The following TMEM184C variants were observed in gnomAD, a reference collection of about 807,000 sequenced individuals.
The protein encoded by TMEM184C is transmembrane protein 34.
TMEM184C carries 25 observed loss-of-function variants against 54.5 expected under a neutral mutation model. The observed-to-expected ratio is 0.46, with a 90% CI of 0.33 to 0.64. TMEM184C has a LOEUF of 0.64. Ranked by LOEUF, TMEM184C falls within the 30% of genes least tolerant of loss-of-function variation. The pLI is 0.02. For missense variants in TMEM184C, 335 were observed against 520.3 expected, an observed-to-expected ratio of 0.64 and a Z score of 3.46; for synonymous variants, 148 against 181.5, an observed-to-expected ratio of 0.82 and a Z score of 1.49.
chr4:147,634,555 C>G lies in TMEM184C; in HGVS notation c.*121C>G. 11 of 1,097,710 alleles carry G rather than the reference C, an allele frequency of 1.0e-5. No individual in the cohort carries two copies. The highest frequency in any genetic ancestry group is 1.4e-5 in the Non-Finnish European group (11 of 772,524). The allele number at this position is 1,097,710 out of a possible 1,614,324, so 68.0% of individuals were successfully genotyped here. On this transcript the variant is annotated 3_prime_UTR_variant, in exon 10 of 10. Transcript: ENST00000296582. ...ATGTCAACACAAAAATAGCTGAAAGCCAGGTACAACTACTGCATTTATATA... is the reference window on the plus strand; with the variant it reads ...ATGTCAACACAAAAATAGCTGAAAGGCAGGTACAACTACTGCATTTATATA...
chr4:147,628,217 A>G (rs369627398), intron 4 of TMEM184C, 144 bp from the exon 5 acceptor site: 20 of 640,980 alleles, frequency 3.1e-5, no homozygotes, highest in East Asian at 5.5e-5. Context: ...TTCTTCTGCC[A>G]CTGCTATTAA....
At chr4:147,632,379 T>C (rs1291689894) in intron 7 of TMEM184C, among the ~76,000 whole-genome samples, 1 of 152,122 alleles carries the variant, frequency 6.6e-6, no homozygotes, top group Non-Finnish European at 1.5e-5. Context: ...ATAAAAATTT[T>C]TGGAATTCGA....
In TMEM184C at chr4:147,636,268, AAC is replaced by A. The variant is rs1733040675; in HGVS notation, c.*1838_*1839del. On this transcript the variant is annotated 3_prime_UTR_variant, in exon 10 of 10. Transcript: ENST00000296582. ...CAAGACAGTATGGTACTGGTATAAA[AAC>A]ACATACACAGGCCAGTGGGACAGAA... 1 of 152,328 alleles carries A rather than the reference AAC, an allele frequency of 6.6e-6. No individual in the cohort carries two copies. Among genetic ancestry groups the A allele is most frequent in the South Asian group, 2.1e-4 (1 of 4,828 alleles). 9.4% of individuals were successfully genotyped at this position (152,328 alleles called of 1,614,324 possible).
chr4:147,631,903 G>C (rs1293365311), intron 7 of TMEM184C, among the ~76,000 whole-genome samples: 2 of 152,076 alleles, frequency 1.3e-5, no homozygotes, highest in Non-Finnish European at 2.9e-5. Flanking sequence ...AAGAGGGCCG[G>C]GCACAGTGGC....
chr4:147,631,919 C>T (rs923152787), intron 7 of TMEM184C, among the ~76,000 whole-genome samples: 5 of 152,108 alleles, frequency 3.3e-5, no homozygotes, highest in Admixed American at 1.3e-4. Flanking sequence ...GTGGCTCACG[C>T]CTGTAATCCC....
chr4:147,631,649 C>A, intron 7 of TMEM184C, 144 bp downstream of exon 7: 2 of 647,830 alleles, frequency 3.1e-6, no homozygotes, highest in South Asian at 3.9e-5. Context: ...CTTTTTAGCC[C>A]TTCTACAATT....
Position 147,617,725 on chromosome 4 carries a change from G to GA in TMEM184C, c.-231dup. 1 of 490,510 alleles carries GA rather than the reference G, an allele frequency of 2.0e-6. No homozygotes were observed. The highest frequency in any genetic ancestry group is 2.1e-5 in the South Asian group (1 of 47,864). The allele number at this position is 490,510 out of a possible 1,614,324, so 30.4% of individuals were successfully genotyped here. Reference sequence around the variant, plus strand: ...GGTAGATGCGGGGTGGAGAAGAAAGGATGTTGCCTGCACTGCTCGCCAATA... The same window carrying GA: ...GGTAGATGCGGGGTGGAGAAGAAAGGAATGTTGCCTGCACTGCTCGCCAATA... On this transcript the variant is annotated 5_prime_UTR_variant, in exon 1 of 10. The change creates a new upstream start codon in the 5' untranslated region. Coordinates refer to ENST00000296582, the MANE Select transcript of TMEM184C (RefSeq NM_018241.3).
chr4:147,624,119 T>C (rs753368051), intron 3 of TMEM184C, 21 bp downstream of exon 3: 2 of 1,570,766 alleles, frequency 1.3e-6, no homozygotes, highest in Non-Finnish European at 1.7e-6. Context: ...TTCATTTTTA[T>C]CTCATTAACT....
chr4:147,628,262 G>A lies in TMEM184C; in HGVS notation c.498-99G>A, dbSNP rs1355320978. 4 of 856,050 alleles carry A rather than the reference G, an allele frequency of 4.7e-6. No homozygotes were observed. In the African/African-American group the frequency reaches 5.1e-5, roughly 11 times the overall value. The allele number at this position is 856,050 out of a possible 1,614,324, so 53.0% of individuals were successfully genotyped here. A position where few individuals can be genotyped will look rare whatever the true frequency, so the allele number is the denominator to read the frequency against. On this transcript the variant is annotated intron_variant, in intron 4 of 9. Transcript: ENST00000296582. The stretch of plus-strand genomic sequence containing the variant: ...CATTGAAAGAATTAACTGTAAATAT[G>A]GTATCATTCATCAAAGTGATTTTAA...
rs376214603 is a variant in TMEM184C, at chr4:147,620,980, C to T, written c.124-2854C>T. 3.3e-5 allele frequency among the ~76,000 whole-genome samples: 5 copies of T among 152,100 alleles called. No homozygotes were observed. The East Asian group carries it at 7.7e-4, about 23-fold the overall frequency. On this transcript the variant is annotated intron_variant, in intron 1 of 9. Coordinates refer to ENST00000296582, the MANE Select transcript of TMEM184C (RefSeq NM_018241.3). ...TGAGAAAATACCATAGCCTGAGTGGCTTAAACTACAGAAATTTATTTTCTC... is the reference window on the plus strand; with the variant it reads ...TGAGAAAATACCATAGCCTGAGTGGTTTAAACTACAGAAATTTATTTTCTC...
chr4:147,624,033 T>C, intron 2 of TMEM184C, 29 bp from the exon 3 acceptor site: 2 of 1,611,752 alleles, frequency 1.2e-6, no homozygotes, highest in Non-Finnish European at 1.7e-6. Context: ...CATAAAATGT[T>C]TTAAATTTCT....
intron 4 of TMEM184C, among the ~76,000 whole-genome samples, chr4:147,626,653 G>A (rs1015604818): frequency 1.3e-5 from 2 of 152,174 alleles, no homozygotes; most frequent in African/African-American, 4.8e-5. Flanking sequence ...GTGTTCATTT[G>A]ACAAATATAT....
chr4:147,626,270 G>GA (rs1160085052), intron 4 of TMEM184C, among the ~76,000 whole-genome samples: 4 of 152,188 alleles, frequency 2.6e-5, no homozygotes. Flanking sequence ...CTTTGGGGCA[G>GA]GGCTATTTCT....
At chr4:147,633,547 T>C (rs577561800) in intron 8 of TMEM184C, among the ~76,000 whole-genome samples, 1 of 152,134 alleles carries the variant, frequency 6.6e-6, no homozygotes, top group Non-Finnish European at 1.5e-5. Context: ...AGGCTGCTAC[T>C]TGAGGAAGTG....
rs143737623 is a variant in TMEM184C, at chr4:147,624,381, C to T, written c.291+283C>T. On this transcript the variant is annotated intron_variant, in intron 3 of 9. Transcript: ENST00000296582. ...AATATACTACTCTTTTTATTTATTA[C>T]GTCTTTTATTTGAATCAAAAATTTA... is the stretch of plus-strand genomic sequence containing the variant. Among the ~76,000 whole-genome samples, 247 of 149,954 alleles carry T rather than the reference C, an allele frequency of 1.6e-3. 1 individual carries two copies. The highest frequency in any genetic ancestry group is 5.0e-3 in the African/African-American group (197 of 39,486).
chr4:147,632,125 A>G (rs1732927835), intron 7 of TMEM184C, among the ~76,000 whole-genome samples: 2 of 150,304 alleles, frequency 1.3e-5, no homozygotes. Flanking sequence ...GTGAGCCAAA[A>G]TCATGCCACT....
At chr4:147,623,160 A>C (rs1560951554) in intron 1 of TMEM184C, among the ~76,000 whole-genome samples, 1 of 152,296 alleles carries the variant, frequency 6.6e-6, no homozygotes, top group South Asian at 2.1e-4. Flanking sequence ...CAAACAGTGA[A>C]ACTGGGCCGT....
At chr4:147,632,078 C>T (rs1417357310) in intron 7 of TMEM184C, among the ~76,000 whole-genome samples, 1 of 148,326 alleles carries the variant, frequency 6.7e-6, no homozygotes, top group African/African-American at 2.5e-5. Flanking sequence ...GCAGGGAAGG[C>T]AGGAGAATTA....
chr4:147,622,048 G>A (rs1055289870), intron 1 of TMEM184C, among the ~76,000 whole-genome samples: 8 of 148,760 alleles, frequency 5.4e-5, no homozygotes, highest in South Asian at 4.2e-4. Flanking sequence ...GCAGTGGCGC[G>A]GTCATGGCTC....
Sources: allele counts gnomAD v4.1 joint callset (sites outside exome capture counted in the v4.1 genomes callset), GRCh38; gene constraint gnomAD v4.1.1; transcripts MANE v1.5; gene names NCBI Gene and HGNC (gene_info 2026-07-23, HGNC 2026-07-21).